The following PGBD5 variants were observed in gnomAD, a reference collection of about 807,000 sequenced individuals.
PGBD5 encodes the protein piggyBac transposable element-derived protein 5.
Under a neutral mutation model 47.9 loss-of-function variants are expected in PGBD5, and 14 were observed. That is an observed-to-expected ratio of 0.29 (90% CI 0.19 to 0.46). The LOEUF (loss-of-function observed/expected upper bound fraction) is 0.46, where lower values mean the gene tolerates loss of function less well. Ranked by LOEUF, PGBD5 falls within the 20% of genes least tolerant of loss-of-function variation. PGBD5 has a pLI of 1.00. For missense variants in PGBD5, 635 were observed against 716.0 expected (o/e 0.89, Z 1.29); for synonymous variants, 316 against 306.3 (o/e 1.03, Z -0.33).
At chr1:230,335,760 C>CACAA (rs1667306593) in intron 4 of PGBD5, among the ~76,000 whole-genome samples, 5 of 142,080 alleles carry the variant, frequency 3.5e-5, no homozygotes, top group Admixed American at 7.2e-5. Flanking sequence ...CACACAGATA[C>CACAA]ACAGATACAG....
chr1:230,323,441 G>A lies in PGBD5; in HGVS notation c.1559C>T (p.Ala520Val). ...LVRELLGLED[A>V]SPTH ...CCCCCAGCATCAGTGGGTCGGAGAG[G>A]CATCCTCCAAGCCCAGCAGCTCTCT... The change falls in exon 7 of 7, where the codon GCC (alanine) becomes GTC (valine). Residue 520 changes from alanine (A) to valine (V), a missense_variant. By Grantham distance (64) the Ala-to-Val change is moderately conservative. Coordinates refer to ENST00000391860, the MANE Select transcript of PGBD5 (RefSeq NM_001258311.2). The surrounding 1 kb of genome is among the most constrained non-coding windows in gnomAD (Gnocchi z 4.1). The A allele has an allele frequency of 6.2e-7, 1 of 1,613,774 alleles. No individual in the cohort carries two copies. The highest frequency in any genetic ancestry group is 8.5e-7 in the Non-Finnish European group (1 of 1,179,852).
intron 4 of PGBD5, among the ~76,000 whole-genome samples, 185 bp downstream of exon 4, chr1:230,336,923 G>A (rs1053410184): frequency 2.6e-5 from 4 of 152,188 alleles, no homozygotes; most frequent in Non-Finnish European, 5.9e-5. Context: ...GCAATCTCTA[G>A]TGCCCAGCGG....
chr1:230,335,574 G>GAT (rs1292287651), intron 4 of PGBD5, among the ~76,000 whole-genome samples: 16 of 6,394 alleles, frequency 2.5e-3, no homozygotes, highest in African/African-American at 5.0e-3. Flanking sequence ...GACACACACA[G>GAT]ATATACAGAC....
rs553786293 is a variant in PGBD5, at chr1:230,338,779, G to A, written c.895-1491C>T. On this transcript the variant is annotated intron_variant, in intron 3 of 6. Transcript: ENST00000391860. ...CGTGCCATTGCACTCCAGCCTAGGCGACAAGAGCGAAATTCCATCTCAAAA... is the reference window on the plus strand; with the variant it reads ...CGTGCCATTGCACTCCAGCCTAGGCAACAAGAGCGAAATTCCATCTCAAAA... Among the ~76,000 whole-genome samples, 22 of 152,116 alleles carry A rather than the reference G, an allele frequency of 1.4e-4. No homozygotes were observed. In the South Asian group the frequency reaches 4.2e-3, roughly 29 times the overall value.
At chr1:230,359,315 T>C (rs1350570410) in intron 1 of PGBD5, among the ~76,000 whole-genome samples, 3 of 152,174 alleles carry the variant, frequency 2.0e-5, no homozygotes, top group Non-Finnish European at 4.4e-5. Flanking sequence ...TGGCCCGCCT[T>C]GGCCTCCCAA....
rs1435837234 is a variant in PGBD5, at chr1:230,322,261, ACCGCCTCCGG to A, written c.*1154_*1163del. On this transcript the variant is annotated 3_prime_UTR_variant, in exon 7 of 7. Transcript: ENST00000391860. This position sits in a 1 kb window ranked among gnomAD's most constrained non-coding sequence, Gnocchi z 5.9. ...AGCCTCTCCAGTCCTGCCGTCAGCA[ACCGCCTCCGG>A]CCCTCATGTCAAATCACACCTGACC... is the stretch of plus-strand genomic sequence containing the variant. The A allele has an allele frequency of 6.6e-6, 1 of 152,188 alleles. No homozygotes were observed. Among genetic ancestry groups the A allele is most frequent in the African/African-American group, 2.4e-5 (1 of 41,434 alleles). 9.4% of individuals were successfully genotyped at this position (152,188 alleles called of 1,614,324 possible). A position where few individuals can be genotyped will look rare whatever the true frequency, so the allele number is the denominator to read the frequency against.
intron 1 of PGBD5, among the ~76,000 whole-genome samples, chr1:230,382,467 G>C (rs1656527017): frequency 6.6e-6 from 1 of 152,162 alleles, no homozygotes; most frequent in Admixed American, 6.5e-5. Context: ...ACTGATGATG[G>C]GCAAGGGAAG....
chr1:230,392,525 C>T (rs1262619900), intron 1 of PGBD5, among the ~76,000 whole-genome samples: 1 of 152,202 alleles, frequency 6.6e-6, no homozygotes, highest in Non-Finnish European at 1.5e-5. Context: ...ATTTTATCTC[C>T]GGCTCGCAGG....
At chr1:230,344,081 G>T (rs910210637) in intron 3 of PGBD5, among the ~76,000 whole-genome samples, 5 of 152,128 alleles carry the variant, frequency 3.3e-5, no homozygotes, top group African/African-American at 1.2e-4. Context: ...GTCAGGAGAT[G>T]CAGACCATCC....
intron 1 of PGBD5, among the ~76,000 whole-genome samples, chr1:230,388,447 G>A (rs1656704626): frequency 6.9e-6 from 1 of 145,456 alleles, no homozygotes; most frequent in Admixed American, 7.0e-5. Flanking sequence ...ATGGAGTCTC[G>A]CTCTGTCGCC....
chr1:230,325,295 T>A lies in PGBD5; in HGVS notation c.1379+15A>T, dbSNP rs1667097654. On this transcript the variant is annotated intron_variant, in intron 6 of 6. Coordinates refer to ENST00000391860, the MANE Select transcript of PGBD5 (RefSeq NM_001258311.2). The stretch of plus-strand genomic sequence containing the variant: ...TATGAGAGCCCTTCTGTCATGGAGG[T>A]GCCCAGCCACTTACTTGCTGTATTT... 1 of 1,592,604 alleles carries A rather than the reference T, an allele frequency of 6.3e-7. No individual in the cohort carries two copies. Among genetic ancestry groups the A allele is most frequent in the Non-Finnish European group, 8.6e-7 (1 of 1,163,144 alleles).
At chr1:230,332,752 C>G (rs570120856) in intron 5 of PGBD5, 92 bp downstream of exon 5, 37 of 1,450,092 alleles carry the variant, frequency 2.6e-5, no homozygotes, top group Non-Finnish European at 3.2e-5. Flanking sequence ...GCACAGCCCA[C>G]AGTGGACGCC....
chr1:230,389,317 C>T (rs993971064), intron 1 of PGBD5, among the ~76,000 whole-genome samples: 1 of 152,016 alleles, frequency 6.6e-6, no homozygotes, highest in East Asian at 1.9e-4. Context: ...GGATTACAGG[C>T]GCGTGCCACC....
At chr1:230,424,228 A>G (rs924569970) in intron 1 of PGBD5, among the ~76,000 whole-genome samples, 7 of 152,244 alleles carry the variant, frequency 4.6e-5, no homozygotes, top group Non-Finnish European at 1.0e-4. Flanking sequence ...ATAGGAAAAC[A>G]GCTGTCTAGG....
intron 6 of PGBD5, among the ~76,000 whole-genome samples, chr1:230,324,202 G>C (rs1667080911): frequency 1.3e-5 from 2 of 152,194 alleles, no homozygotes; most frequent in South Asian, 2.1e-4. Context: ...TTCTCCATTT[G>C]TGAGTTTGCC....
chr1:230,356,865 C>G, intron 2 of PGBD5, 29 bp downstream of exon 2: 1 of 1,596,822 alleles, frequency 6.3e-7, no homozygotes, highest in Non-Finnish European at 8.6e-7. Flanking sequence ...GACACCTGGA[C>G]AAGCTCTTAC....
At chr1:230,388,359 C>A (rs1344371649) in intron 1 of PGBD5, among the ~76,000 whole-genome samples, 1 of 151,922 alleles carries the variant, frequency 6.6e-6, no homozygotes, top group African/African-American at 2.4e-5. Flanking sequence ...CAGACGCGCA[C>A]TGAATCGTCC....
intron 1 of PGBD5, among the ~76,000 whole-genome samples, chr1:230,407,580 G>C (rs1231910345): frequency 6.6e-6 from 1 of 152,128 alleles, no homozygotes; most frequent in Non-Finnish European, 1.5e-5. Context: ...GGCTGTCCCA[G>C]GGAATTCTGG....
chr1:230,356,676 C>G (rs1667650996), intron 2 of PGBD5, among the ~76,000 whole-genome samples: 1 of 152,218 alleles, frequency 6.6e-6, no homozygotes, highest in African/African-American at 2.4e-5. Flanking sequence ...AGACTGAATT[C>G]TGACTTGTCT....
Sources: allele counts gnomAD v4.1 joint callset (sites outside exome capture counted in the v4.1 genomes callset), GRCh38; gene constraint gnomAD v4.1.1; non-coding constraint Gnocchi (gnomAD v3.1); transcripts MANE v1.5; gene names NCBI Gene and HGNC (gene_info 2026-07-23, HGNC 2026-07-21).